The following RIT2 variants were observed in gnomAD, a reference collection of about 807,000 sequenced individuals.
RIT2 encodes the protein Ras like without CAAX 2, also known as GTP-binding protein Rit2.
A neutral mutation model predicts 23.7 loss-of-function variants in RIT2; 24 were observed. The observed-to-expected ratio is 1.01, with a 90% CI of 0.73 to 1.43. The LOEUF is 1.43. Ranked by LOEUF, RIT2 falls within the 40% of genes most tolerant of loss-of-function variation. The pLI, the probability that RIT2 is intolerant of heterozygous loss-of-function variation, is 0.00. For missense variants in RIT2, 236 were observed against 266.9 expected (o/e 0.88, Z 0.81); for synonymous variants, 107 against 91.1 (o/e 1.17, Z -0.99).
At chr18:42,947,574 G>A (rs185928687) in intron 3 of RIT2, among the ~76,000 whole-genome samples, 10 of 152,168 alleles carry the variant, frequency 6.6e-5, no homozygotes, top group Admixed American at 3.9e-4. Flanking sequence ...GTCTTGATAA[G>A]GACTGAACTT....
At chr18:42,872,399 A>C (rs1801242026) in intron 4 of RIT2, among the ~76,000 whole-genome samples, 1 of 152,194 alleles carries the variant, frequency 6.6e-6, no homozygotes, top group Non-Finnish European at 1.5e-5. Context: ...TGATGTCAAA[A>C]TTGCTGCCAG....
intron 4 of RIT2, among the ~76,000 whole-genome samples, chr18:42,777,886 A>G (rs1333532700): frequency 6.6e-6 from 1 of 152,248 alleles, no homozygotes; most frequent in African/African-American, 2.4e-5. Context: ...GCTACATGAT[A>G]AAATAATCAT....
chr18:42,988,918 A>G (rs1910776276), intron 2 of RIT2, among the ~76,000 whole-genome samples: 2 of 152,206 alleles, frequency 1.3e-5, no homozygotes, highest in Non-Finnish European at 1.5e-5. Flanking sequence ...TCTGCTGAAG[A>G]GTAATGCATG....
chr18:42,976,760 C>T (rs1272348953), intron 2 of RIT2, among the ~76,000 whole-genome samples: 2 of 151,990 alleles, frequency 1.3e-5, no homozygotes, highest in Non-Finnish European at 2.9e-5. Flanking sequence ...TTAGAATGCT[C>T]GCTCTGGCTG....
At chr18:42,817,106 T>A (rs1906020360) in intron 4 of RIT2, among the ~76,000 whole-genome samples, 2 of 152,184 alleles carry the variant, frequency 1.3e-5, no homozygotes, top group Non-Finnish European at 2.9e-5. Flanking sequence ...CAGACTCCAA[T>A]CTGGCTCTGG....
chr18:43,013,094 T>A (rs575033558), intron 2 of RIT2, among the ~76,000 whole-genome samples: 2 of 151,864 alleles, frequency 1.3e-5, no homozygotes, highest in Admixed American at 1.3e-4. Flanking sequence ...TCCCTAAAAT[T>A]AAACATTTCG....
intron 2 of RIT2, among the ~76,000 whole-genome samples, chr18:43,008,009 G>A (rs540802017): frequency 1.3e-5 from 2 of 151,544 alleles, no homozygotes; most frequent in East Asian, 3.9e-4. Context: ...CAAAAAGCAG[G>A]CAACCAGATA....
chr18:42,983,936 T>C (rs187603880), intron 2 of RIT2, among the ~76,000 whole-genome samples: 272 of 152,196 alleles, frequency 1.8e-3, no homozygotes, highest in Non-Finnish European at 2.4e-3. Flanking sequence ...ACAACCACTC[T>C]GAAGATTGTT....
At chr18:42,945,745 C>T (rs571006086) in intron 3 of RIT2, among the ~76,000 whole-genome samples, 6 of 152,116 alleles carry the variant, frequency 3.9e-5, no homozygotes, top group South Asian at 2.1e-4. Context: ...TGTGCAAGGA[C>T]GCATCATATC....
chr18:42,881,835 A>G (rs1907903350), intron 4 of RIT2, among the ~76,000 whole-genome samples: 1 of 152,202 alleles, frequency 6.6e-6, no homozygotes, highest in Non-Finnish European at 1.5e-5. Context: ...TATCTTATTC[A>G]TGTCCAGTAG....
chr18:42,879,850 A>C (rs1907840736), intron 4 of RIT2, among the ~76,000 whole-genome samples: 1 of 152,160 alleles, frequency 6.6e-6, no homozygotes, highest in African/African-American at 2.4e-5. Flanking sequence ...CGATTATGAC[A>C]ATTAGGGATT....
intron 4 of RIT2, among the ~76,000 whole-genome samples, chr18:42,767,767 A>G (rs562927077): frequency 1.3e-5 from 2 of 152,262 alleles, no homozygotes; most frequent in African/African-American, 4.8e-5. Flanking sequence ...GGGAAAGGTA[A>G]TTGAATCATG....
At chr18:42,925,037 G>C (rs1221823446) in intron 3 of RIT2, among the ~76,000 whole-genome samples, 1 of 152,044 alleles carries the variant, frequency 6.6e-6, no homozygotes, top group African/African-American at 2.4e-5. Context: ...CTGGATCACA[G>C]ACGTGACAAG....
At chr18:42,788,657 T>C (rs1028891336) in intron 4 of RIT2, among the ~76,000 whole-genome samples, 1 of 152,226 alleles carries the variant, frequency 6.6e-6, no homozygotes, top group Non-Finnish European at 1.5e-5. Context: ...CAGCTCCATG[T>C]AGTAGATGTA....
Position 42,907,302 on chromosome 18 carries a change from A to G in RIT2, c.426+16270T>C, listed in dbSNP as rs145581022. On this transcript the variant is annotated intron_variant, in intron 4 of 4. Transcript: ENST00000326695. ...ATATTCAGTGACTAGCAAAAGGCATAATATGGCGATTGTTTAAAAGTTCAA... is the reference window on the plus strand; with the variant it reads ...ATATTCAGTGACTAGCAAAAGGCATGATATGGCGATTGTTTAAAAGTTCAA... Among the ~76,000 whole-genome samples the G allele has an allele frequency of 2.0e-3, 310 of 152,300 alleles. 2 individuals are homozygous for G. The highest frequency in any genetic ancestry group is 7.0e-3 in the African/African-American group (291 of 41,568).
intron 4 of RIT2, among the ~76,000 whole-genome samples, chr18:42,759,604 G>A (rs187763673): frequency 6.6e-5 from 10 of 151,874 alleles, no homozygotes; most frequent in Admixed American, 1.3e-4. Flanking sequence ...GGCTTGCATT[G>A]AGATAGGGGA....
chr18:42,882,246 C>T lies in RIT2; in HGVS notation c.426+41326G>A, dbSNP rs1027680649. Reference sequence around the variant, plus strand: ...AAATTAGAGTCAGTGCTGATTCATTCCTTCCTCATATGACATCTGTCTGCA... The same window carrying T: ...AAATTAGAGTCAGTGCTGATTCATTTCTTCCTCATATGACATCTGTCTGCA... On this transcript the variant is annotated intron_variant, in intron 4 of 4. Transcript: ENST00000326695. 2.6e-5 allele frequency among the ~76,000 whole-genome samples: 4 copies of T among 152,194 alleles called. No individual in the cohort carries two copies. In the South Asian group the frequency reaches 8.3e-4, roughly 31 times the overall value.
intron 3 of RIT2, among the ~76,000 whole-genome samples, chr18:42,936,903 TCA>T (rs1443380478): frequency 1.3e-5 from 2 of 151,462 alleles, no homozygotes; most frequent in African/African-American, 4.9e-5. Flanking sequence ...CCCCAGCTAC[TCA>T]GGAAACTGAG....
intron 4 of RIT2, among the ~76,000 whole-genome samples, chr18:42,818,062 G>T (rs925264782): frequency 5.3e-5 from 8 of 151,858 alleles, no homozygotes; most frequent in East Asian, 1.9e-4. Context: ...TTTATAAGAT[G>T]AATTTTTATT....
Sources: gnomAD v4.1 joint callset for allele counts (sites outside exome capture counted in the v4.1 genomes callset) on GRCh38, gnomAD v4.1.1 for gene constraint, MANE v1.5 for transcripts, NCBI Gene and HGNC (gene_info 2026-07-23, HGNC 2026-07-21) for gene names.